The following CAMK2A variants were observed in gnomAD, a reference collection of about 807,000 sequenced individuals.
The protein encoded by CAMK2A is calcium/calmodulin dependent protein kinase II alpha.
A neutral mutation model predicts 79.2 loss-of-function variants in CAMK2A; 7 were observed. That is an observed-to-expected ratio of 0.09 (90% CI 0.05 to 0.17). CAMK2A has a LOEUF of 0.17. Among genes scored for constraint, CAMK2A ranks in the 10% least tolerant of loss-of-function variants. The pLI, the probability that CAMK2A is intolerant of heterozygous loss-of-function variation, is 1.00. For synonymous variants in CAMK2A, 242 were observed against 251.7 expected (o/e 0.96, Z 0.36); for missense variants, 214 against 646.4 (o/e 0.33, Z 7.25).
At chr5:150,235,041 T>A (rs896294308) in intron 15 of CAMK2A, among the ~76,000 whole-genome samples, 2 of 152,156 alleles carry the variant, frequency 1.3e-5, no homozygotes, top group African/African-American at 4.8e-5. Flanking sequence ...TCTAGATACC[T>A]CTCTGAGTAC....
At position 150,222,766 on chromosome 5, in the gene CAMK2A, A is replaced by C. The variant is rs965410762; in HGVS notation, c.1467-53T>G. The C allele has an allele frequency of 6.2e-6, 10 of 1,610,634 alleles. No homozygotes were observed. In the Admixed American group the frequency reaches 6.7e-5, roughly 11 times the overall value. On this transcript the variant is annotated intron_variant, in intron 18 of 18. Coordinates refer to ENST00000671881, the MANE Select transcript of CAMK2A (RefSeq NM_015981.4). ...AGGGCATGGTGTTTCCTGCTTGGGCAACCCACCCACCCTGCCGCTTTAGAT... is the reference window on the plus strand; with the variant it reads ...AGGGCATGGTGTTTCCTGCTTGGGCCACCCACCCACCCTGCCGCTTTAGAT...
At chr5:150,278,932 T>G (rs2150307061) in intron 1 of CAMK2A, among the ~76,000 whole-genome samples, 1 of 151,832 alleles carries the variant, frequency 6.6e-6, no homozygotes, top group Middle Eastern at 3.4e-3. Context: ...GAGGGGTGTG[T>G]GGGGGGAGAG....
chr5:150,287,937 C>CTG (rs57886187), intron 1 of CAMK2A, among the ~76,000 whole-genome samples: 60,889 of 140,578 alleles, frequency 0.43, 13,898 homozygotes, highest in Non-Finnish European at 0.54. Flanking sequence ...AGGATAGCCT[C>CTG]TGTGTGTGTG....
chr5:150,249,346 T>C (rs1006758093), intron 11 of CAMK2A, among the ~76,000 whole-genome samples: 6 of 152,200 alleles, frequency 3.9e-5, no homozygotes, highest in African/African-American at 1.4e-4. Context: ...CCACAATCAC[T>C]GTCTGAGTGC....
At position 150,220,343 on chromosome 5, in the gene CAMK2A, A is replaced by G. The variant is rs1754245144; in HGVS notation, c.*2367T>C. 6.6e-6 allele frequency: 1 copy of G among 152,360 alleles called. No individual in the cohort carries two copies. Among genetic ancestry groups the G allele is most frequent in the African/African-American group, 2.4e-5 (1 of 41,462 alleles). 9.4% of individuals were successfully genotyped at this position (152,360 alleles called of 1,614,324 possible). On this transcript the variant is annotated 3_prime_UTR_variant, in exon 19 of 19. Coordinates refer to ENST00000671881, the MANE Select transcript of CAMK2A (RefSeq NM_015981.4). ...CAGTTGACAGGCACCGACGAGGGGAATCAGGGGCAGGTGGGGGAGGGGATG... is the reference window on the plus strand; with the variant it reads ...CAGTTGACAGGCACCGACGAGGGGAGTCAGGGGCAGGTGGGGGAGGGGATG...
At chr5:150,269,593 A>G (rs1320324332) in intron 2 of CAMK2A, among the ~76,000 whole-genome samples, 2 of 151,910 alleles carry the variant, frequency 1.3e-5, no homozygotes, top group Non-Finnish European at 2.9e-5. Context: ...GCCTCAAGTG[A>G]TCCTCCCAAC....
At chr5:150,267,547 A>T (rs1286624048) in intron 2 of CAMK2A, among the ~76,000 whole-genome samples, 1 of 152,204 alleles carries the variant, frequency 6.6e-6, no homozygotes, top group East Asian at 1.9e-4. Flanking sequence ...ATCTTACATC[A>T]TCTTATGCAT....
At chr5:150,278,342 G>A (rs565517621) in intron 1 of CAMK2A, among the ~76,000 whole-genome samples, 7 of 151,672 alleles carry the variant, frequency 4.6e-5, no homozygotes, top group South Asian at 4.2e-4. Flanking sequence ...GCAGTGAGTC[G>A]GCAGCCCTAA....
intron 1 of CAMK2A, among the ~76,000 whole-genome samples, chr5:150,279,741 G>T (rs1049669604): frequency 2.0e-5 from 3 of 152,218 alleles, no homozygotes; most frequent in African/African-American, 4.8e-5. Flanking sequence ...CAGGCAGGGA[G>T]GCCCCCCTCC....
Position 150,221,720 on chromosome 5 carries a change from A to C in CAMK2A, c.*990T>G. ...TGAGTCCACCTTGGCCCCAATAACC[A>C]CAGGTGACAAGGTCCACCTCAGAGA... On this transcript the variant is annotated 3_prime_UTR_variant, in exon 19 of 19. Coordinates refer to ENST00000671881, the MANE Select transcript of CAMK2A (RefSeq NM_015981.4). 5.1e-6 allele frequency: 2 copies of C among 390,296 alleles called. No individual in the cohort carries two copies. The highest frequency in any genetic ancestry group is 9.0e-6 in the Non-Finnish European group (2 of 223,120). The allele number at this position is 390,296 out of a possible 1,614,324, so 24.2% of individuals were successfully genotyped here.
At chr5:150,240,014 G>A (rs982998310) in intron 13 of CAMK2A, among the ~76,000 whole-genome samples, 9 of 152,132 alleles carry the variant, frequency 5.9e-5, no homozygotes, top group African/African-American at 2.2e-4. Context: ...AGCCTCCCTG[G>A]GACCAGGGCT....
intron 1 of CAMK2A, among the ~76,000 whole-genome samples, chr5:150,288,922 G>C (rs776826510): frequency 2.0e-5 from 3 of 152,182 alleles, no homozygotes; most frequent in Non-Finnish European, 4.4e-5. Context: ...TGAAACAGCG[G>C]TGCTCCCCGC....
intron 13 of CAMK2A, among the ~76,000 whole-genome samples, chr5:150,242,019 C>T (rs1428395110): frequency 9.9e-5 from 15 of 152,172 alleles, no homozygotes; most frequent in Non-Finnish European, 1.9e-4. Context: ...CAGATTCGGA[C>T]GCACAGTGAC....
chr5:150,231,011 T>C (rs1304370222), intron 16 of CAMK2A, among the ~76,000 whole-genome samples: 2 of 152,106 alleles, frequency 1.3e-5, no homozygotes, highest in East Asian at 3.9e-4. Flanking sequence ...GTCCACCCCC[T>C]CTTTCCTTGG....
intron 2 of CAMK2A, among the ~76,000 whole-genome samples, chr5:150,269,856 G>A (rs546723121): frequency 6.6e-5 from 10 of 152,334 alleles, no homozygotes; most frequent in South Asian, 2.1e-4. Flanking sequence ...ATGTCTTGCC[G>A]TCCCCTCAGA....
chr5:150,275,771 T>C (rs960998989), intron 1 of CAMK2A, among the ~76,000 whole-genome samples: 2 of 152,184 alleles, frequency 1.3e-5, no homozygotes, highest in African/African-American at 4.8e-5. Flanking sequence ...ACAGGAACTT[T>C]AGTCCCCATG....
At chr5:150,263,106 C>A (rs2150292194) in intron 3 of CAMK2A, among the ~76,000 whole-genome samples, 1 of 152,236 alleles carries the variant, frequency 6.6e-6, no homozygotes, top group East Asian at 1.9e-4. Context: ...ATCCTATGAG[C>A]TAGTTATCAT....
chr5:150,231,408 A>C (rs534056265), intron 15 of CAMK2A, 28 bp from the exon 16 acceptor site: 1 of 170,230 alleles, frequency 5.9e-6, no homozygotes, highest in Non-Finnish European at 8.3e-6. Flanking sequence ...ACACAGAAAT[A>C]ATAATAATAA....
At chr5:150,254,876 T>G (rs882664) in intron 6 of CAMK2A, among the ~76,000 whole-genome samples, 53 of 152,200 alleles carry the variant, frequency 3.5e-4, no homozygotes, top group African/African-American at 1.2e-3. Flanking sequence ...ATGTTAGTAC[T>G]TCTATTTTTG....
Sources: gnomAD v4.1 joint callset for allele counts (sites outside exome capture counted in the v4.1 genomes callset) on GRCh38, gnomAD v4.1.1 for gene constraint, MANE v1.5 for transcripts, NCBI Gene and HGNC (gene_info 2026-07-23, HGNC 2026-07-21) for gene names.